Variants in COX7A2 observed in about 807,000 individuals in gnomAD.
COX7A2 encodes the protein cytochrome c oxidase subunit 7A2.
COX7A2 carries 11 observed loss-of-function variants against 11.6 expected under a neutral mutation model. That is an observed-to-expected ratio of 0.95 (90% CI 0.60 to 1.57). The LOEUF is 1.57. COX7A2 is among the 40% of genes most tolerant of loss of function. COX7A2 has a pLI of 0.00. For missense variants in COX7A2, 106 were observed against 100.9 expected, an observed-to-expected ratio of 1.05 and a Z score of -0.22; for synonymous variants, 30 against 38.2, an observed-to-expected ratio of 0.78 and a Z score of 0.79.
At chr6:75,238,626 C>G (rs1230092494) in intron 3 of COX7A2, among the ~76,000 whole-genome samples, 1 of 142,420 alleles carries the variant, frequency 7.0e-6, no homozygotes, top group East Asian at 2.3e-4. Context: ...ATTGCTTGAA[C>G]CTGGGAGGCA....
chr6:75,237,882 T>C lies in COX7A2; in HGVS notation c.*48A>G, dbSNP rs1349297372. 2 of 1,448,598 alleles carry C rather than the reference T, an allele frequency of 1.4e-6. No homozygotes were observed. The highest frequency in any genetic ancestry group is 1.4e-5 in the African/African-American group (1 of 71,962). 89.7% of individuals were successfully genotyped at this position (1,448,598 alleles called of 1,614,324 possible). A position where few individuals can be genotyped will look rare whatever the true frequency, so the allele number is the denominator to read the frequency against. On this transcript the variant is annotated 3_prime_UTR_variant, in exon 4 of 4. Transcript: ENST00000684430. ...GGTTATTTATCAGATTACTGGTCCA[T>C]AGAGAGCTGAATGAAACTGAACCAA...
chr6:75,249,215 G>A (rs554686924), intron 1 of COX7A2, among the ~76,000 whole-genome samples: 5 of 152,320 alleles, frequency 3.3e-5, no homozygotes, highest in African/African-American at 4.8e-5. Flanking sequence ...CTGGCCTGGT[G>A]ACAGAGTGAG....
At chr6:75,250,142 T>A (rs1771758131) in exon 1 of COX7A2, 1 of 152,202 alleles carries the variant, frequency 6.6e-6, no homozygotes, top group Non-Finnish European at 1.5e-5. Context: ...TTTGACCTTA[T>A]TAAACCCAGG....
At chr6:75,245,330 A>G (rs1771657178), upstream of COX7A2, among the ~76,000 whole-genome samples, 1 of 152,140 alleles carries the variant, frequency 6.6e-6, no homozygotes, top group South Asian at 2.1e-4. Context: ...TCTCTACTAA[A>G]AATACAAAAA....
At chr6:75,242,412 G>A (rs1027318735) in intron 1 of COX7A2, among the ~76,000 whole-genome samples, 6 of 151,374 alleles carry the variant, frequency 4.0e-5, no homozygotes, top group South Asian at 4.2e-4. Context: ...AGGCTGAGGC[G>A]GGAGAATCGC....
At chr6:75,238,848 C>G (rs1020736427) in intron 3 of COX7A2, among the ~76,000 whole-genome samples, 2 of 151,570 alleles carry the variant, frequency 1.3e-5, no homozygotes, top group Non-Finnish European at 2.9e-5. Flanking sequence ...TGGAGTCTCC[C>G]TCTGTCGCCC....
intron 1 of COX7A2, chr6:75,241,705 G>C (rs1176589255): frequency 6.6e-6 from 1 of 152,600 alleles, no homozygotes; most frequent in African/African-American, 2.4e-5. Context: ...CAGCACTTTG[G>C]GAGGCCGGGG....
chr6:75,243,856 G>C (rs767160040), upstream of COX7A2: 1 of 1,603,350 alleles, frequency 6.2e-7, no homozygotes. Flanking sequence ...TTTCCGGGCC[G>C]AAGAGAGGCT....
At chr6:75,238,704 CAAAAAAA>C (rs35057968) in intron 3 of COX7A2, among the ~76,000 whole-genome samples, 17 of 55,760 alleles carry the variant, frequency 3.0e-4, no homozygotes, top group African/African-American at 1.2e-3. Context: ...AACTCCATCT[CAAAAAAA>C]AAAAAAAAAA....
chr6:75,247,917 G>A (rs550895651), upstream of COX7A2, among the ~76,000 whole-genome samples: 20 of 152,138 alleles, frequency 1.3e-4, 1 homozygote, highest in Admixed American at 1.1e-3. Flanking sequence ...GGAAAAATCC[G>A]CATTCTATAG....
In COX7A2 at chr6:75,237,901, G is replaced by A; in HGVS notation, c.*29C>T. ...GGTCCATAGAGAGCTGAATGAAACT[G>A]AACCAAGCGATTGCTGGGATGACTG... On this transcript the variant is annotated 3_prime_UTR_variant, in exon 4 of 4. Transcript: ENST00000684430. 5 of 1,590,604 alleles carry A rather than the reference G, an allele frequency of 3.1e-6. No individual in the cohort carries two copies. The highest frequency in any genetic ancestry group is 1.1e-5 in the South Asian group (1 of 89,836).
intron 2 of COX7A2, chr6:75,240,913 A>ACC (rs1771482335): frequency 3.4e-6 from 1 of 296,828 alleles, no homozygotes; most frequent in South Asian, 8.3e-5. Flanking sequence ...AATCACTTTA[A>ACC]GCTTTATTTA....
At chr6:75,242,835 T>A (rs141107075) in intron 1 of COX7A2, among the ~76,000 whole-genome samples, 1 of 5,320 alleles carries the variant, frequency 1.9e-4, no homozygotes, top group African/African-American at 2.6e-4. Context: ...AAAAATAAAA[T>A]AAAATAAAAT....
At chr6:75,241,413 G>GT in intron 1 of COX7A2, 148 bp from the exon 2 acceptor site, 2 of 602,392 alleles carry the variant, frequency 3.3e-6, no homozygotes, top group Non-Finnish European at 5.4e-6. Flanking sequence ...GAGCATCCAG[G>GT]TTTTTCAATT....
upstream of COX7A2, among the ~76,000 whole-genome samples, chr6:75,244,494 A>C (rs187921441): frequency 1.3e-4 from 20 of 152,302 alleles, no homozygotes; most frequent in East Asian, 3.7e-3. Context: ...AGGGCACTAC[A>C]TTCATTACTG....
upstream of COX7A2, among the ~76,000 whole-genome samples, chr6:75,248,081 CTTTTTTT>C (rs905344722): frequency 2.8e-4 from 3 of 10,678 alleles, 1 homozygote; most frequent in African/African-American, 9.0e-4. Flanking sequence ...CATCCTTTAT[CTTTTTTT>C]TTTTTTTTTT....
upstream of COX7A2, among the ~76,000 whole-genome samples, chr6:75,244,684 T>C (rs1582265772): frequency 1.3e-5 from 2 of 152,228 alleles, no homozygotes; most frequent in East Asian, 1.9e-4. Flanking sequence ...TTACAAATTA[T>C]TTGATTGCCA....
chr6:75,239,993 C>T (rs571509708), intron 3 of COX7A2, among the ~76,000 whole-genome samples: 4 of 151,940 alleles, frequency 2.6e-5, no homozygotes, highest in Middle Eastern at 6.8e-3. Flanking sequence ...CCCAGCTACT[C>T]GGGAGGCTGA....
At chr6:75,243,109 A>G (rs1771569619) in intron 1 of COX7A2, among the ~76,000 whole-genome samples, 1 of 152,248 alleles carries the variant, frequency 6.6e-6, no homozygotes, top group Non-Finnish European at 1.5e-5. Context: ...TTTAAAAAAT[A>G]AAATAATCAT....
Sources: gnomAD v4.1 joint callset for allele counts (sites outside exome capture counted in the v4.1 genomes callset) on GRCh38, gnomAD v4.1.1 for gene constraint, MANE v1.5 for transcripts, NCBI Gene and HGNC (gene_info 2026-07-23, HGNC 2026-07-21) for gene names.